U2AF2: variants seen among roughly 807,000 people sequenced by gnomAD.
U2AF2 encodes the protein U2 small nuclear RNA auxiliary factor 2.
U2AF2 carries 6 observed loss-of-function variants against 52.6 expected under a neutral mutation model. The observed-to-expected ratio is 0.11, with a 90% CI of 0.06 to 0.23. The LOEUF (loss-of-function observed/expected upper bound fraction) is 0.23, where lower values mean the gene tolerates loss of function less well. Ranked by LOEUF, U2AF2 falls within the 10% of genes least tolerant of loss-of-function variation. U2AF2 has a pLI of 1.00. For synonymous variants in U2AF2, 284 were observed against 258.2 expected (o/e 1.10, Z -0.96); for missense variants, 222 against 677.1 (o/e 0.33, Z 7.46).
chr19:55,663,487 CTGGCA>C (rs1389037776), intron 6 of U2AF2, 114 bp from the exon 7 acceptor site: 2 of 1,461,286 alleles, frequency 1.4e-6, no homozygotes, highest in Non-Finnish European at 1.8e-6. Context: ...AGCCTGGGGC[CTGGCA>C]TGTTGTATTT....
At chr19:55,662,693 G>A (rs1426914042) in intron 6 of U2AF2, 75 bp downstream of exon 6, 8 of 1,354,642 alleles carry the variant, frequency 5.9e-6, no homozygotes, top group Admixed American at 5.3e-5. Flanking sequence ...GATGTTGTGT[G>A]GAGCTGCCTT....
intron 2 of U2AF2, 128 bp downstream of exon 2, chr19:55,659,473 G>T (rs1984019929): frequency 8.3e-7 from 1 of 1,199,282 alleles, no homozygotes; most frequent in East Asian, 3.2e-5. Flanking sequence ...TTCTTTGTGT[G>T]GATCTGGGGG....
intron 1 of U2AF2, among the ~76,000 whole-genome samples, chr19:55,656,119 G>A (rs1312640966): frequency 6.6e-6 from 1 of 152,212 alleles, no homozygotes; most frequent in African/African-American, 2.4e-5. Flanking sequence ...CTGGGGCCCT[G>A]ATCTTAGGGA....
chr19:55,660,509 C>CG lies in U2AF2; in HGVS notation c.231-7_231-6insG. The CG allele has an allele frequency of 7.8e-7, 1 of 1,277,674 alleles. No individual in the cohort carries two copies. Among genetic ancestry groups the CG allele is most frequent in the Non-Finnish European group, 1.1e-6 (1 of 888,980 alleles). 79.1% of individuals were successfully genotyped at this position (1,277,674 alleles called of 1,614,324 possible). ...CCTGCCCCGCTCTCCCCTCCCACCT[C>CG]CCCCAGTCGTTCCCCCCGCCACGAG... On this transcript the variant is annotated splice_polypyrimidine_tract_variant and splice_region_variant and intron_variant, in intron 3 of 11. Coordinates refer to ENST00000308924, the MANE Select transcript of U2AF2 (RefSeq NM_007279.3).
Position 55,668,284 on chromosome 19 carries a change from T to G in U2AF2, c.743-223T>G, listed in dbSNP as rs979247124. On this transcript the variant is annotated intron_variant, in intron 7 of 11. Transcript: ENST00000308924. The surrounding 1 kb of genome is among the most constrained non-coding windows in gnomAD (Gnocchi z 5.5). ...AGGTTCCCCTGAGGCTGGGCAGATT[T>G]GGGAGACATGGTGCGTTCTCCCCGA... Among the ~76,000 whole-genome samples, 1 of 152,108 alleles carries G rather than the reference T, an allele frequency of 6.6e-6. No individual in the cohort carries two copies. Among genetic ancestry groups the G allele is most frequent in the African/African-American group, 2.4e-5 (1 of 41,392 alleles).
intron 7 of U2AF2, among the ~76,000 whole-genome samples, chr19:55,666,598 G>C (rs1325738668): frequency 6.6e-6 from 1 of 152,226 alleles, no homozygotes; most frequent in Non-Finnish European, 1.5e-5. Context: ...ATCAGCACTT[G>C]GCCTGAGCTG....
At chr19:55,659,649 C>CT (rs1051187488) in intron 2 of U2AF2, among the ~76,000 whole-genome samples, 3 of 151,722 alleles carry the variant, frequency 2.0e-5, no homozygotes, top group African/African-American at 7.3e-5. Context: ...GGGTTGTTCT[C>CT]TGTCTCTGAC....
Position 55,660,211 on chromosome 19 carries a change from G to A in U2AF2, c.220G>A (p.Gly74Ser), listed in dbSNP as rs148965195. 37 of 1,524,208 alleles carry A rather than the reference G, an allele frequency of 2.4e-5. 1 individual carries two copies. The highest frequency in any genetic ancestry group is 5.6e-5 in the South Asian group (5 of 89,684). The allele number at this position is 1,524,208 out of a possible 1,614,324, so 94.4% of individuals were successfully genotyped here. A position where few individuals can be genotyped will look rare whatever the true frequency, so the allele number is the denominator to read the frequency against. Residue 74 changes from glycine to serine, a missense_variant, in exon 3 of 12, where the codon GGT becomes AGT. This residue lies in a region of U2AF2 where 100 missense variants were observed against 144.1 expected (regional missense o/e 0.69). Transcript: ENST00000308924. ...PLTRGAKEEH[G>S]GLIRSPRHEK... ...GACCAGAGGCGCTAAAGAGGAGCAC[G>A]GTGGACTGATGTGAGCTTCTCTTCC...
At chr19:55,659,028 C>G (rs765835988) in intron 1 of U2AF2, 182 bp from the exon 2 acceptor site, 1 of 979,820 alleles carries the variant, frequency 1.0e-6, no homozygotes, top group Non-Finnish European at 1.4e-6. Flanking sequence ...CCCCTGGTCC[C>G]CTCATGGTCC....
chr19:55,674,150 G>A lies in U2AF2; in HGVS notation c.*82G>A, dbSNP rs918152670. ...CCCCCCCTTATCCCCCTCTGAAGAC[G>A]ATGGGCAGAGGAGTGACAGCCGCAG... On this transcript the variant is annotated 3_prime_UTR_variant, in exon 12 of 12. Transcript: ENST00000308924. The A allele has an allele frequency of 5.1e-6, 7 of 1,380,440 alleles. No individual in the cohort carries two copies. The highest frequency in any genetic ancestry group is 2.7e-4 in the Middle Eastern group (1 of 3,662). 85.5% of individuals were successfully genotyped at this position (1,380,440 alleles called of 1,614,324 possible).
intron 6 of U2AF2, among the ~76,000 whole-genome samples, chr19:55,663,192 C>G (rs1319362508): frequency 1.3e-5 from 2 of 152,166 alleles, no homozygotes; most frequent in African/African-American, 4.8e-5. Context: ...CTCACTCTGT[C>G]CCTCTCACTC....
intron 7 of U2AF2, among the ~76,000 whole-genome samples, chr19:55,664,215 T>C (rs1051811816): frequency 6.6e-6 from 1 of 152,240 alleles, no homozygotes; most frequent in African/African-American, 2.4e-5. Flanking sequence ...TCCCCATAGC[T>C]GTGTTGAACA....
chr19:55,662,474 C>T (rs1984279175), intron 5 of U2AF2, 28 bp from the exon 6 acceptor site: 3 of 1,319,512 alleles, frequency 2.3e-6, no homozygotes, highest in South Asian at 2.6e-5. Context: ...TCCCCCGCCC[C>T]CCCCCTTGTC....
chr19:55,664,734 T>C (rs1243132643), intron 7 of U2AF2, among the ~76,000 whole-genome samples: 1 of 152,122 alleles, frequency 6.6e-6, no homozygotes, highest in Non-Finnish European at 1.5e-5. Flanking sequence ...GTTGTTGTTG[T>C]TTTGAGACAG....
At chr19:55,662,029 C>G (rs1233251051) in intron 5 of U2AF2, 1 of 163,442 alleles carries the variant, frequency 6.1e-6, no homozygotes, top group African/African-American at 2.4e-5. Context: ...CCTGCTCTCC[C>G]TTTCTGTCCT....
chr19:55,667,798 T>TTC (rs1984638321), intron 7 of U2AF2, among the ~76,000 whole-genome samples: 1 of 151,464 alleles, frequency 6.6e-6, no homozygotes, highest in African/African-American at 2.4e-5. Context: ...TTTTTTTTTT[T>TTC]CCTTTGAGAT....
chr19:55,661,576 G>A (rs929230753), intron 5 of U2AF2, among the ~76,000 whole-genome samples: 2 of 147,240 alleles, frequency 1.4e-5, no homozygotes, highest in Non-Finnish European at 3.0e-5. Flanking sequence ...TTTCTGACAC[G>A]CCTCTCGTTC....
Position 55,668,299 on chromosome 19 carries a change from G to A in U2AF2, c.743-208G>A, listed in dbSNP as rs1203488209. ...TGGGCAGATTTGGGAGACATGGTGC[G>A]TTCTCCCCGAGGAGCCTCTGTGTGC... On this transcript the variant is annotated intron_variant, in intron 7 of 11. Transcript: ENST00000308924. This position sits in a 1 kb window ranked among gnomAD's most constrained non-coding sequence, Gnocchi z 5.5. Among the ~76,000 whole-genome samples, 3 of 152,036 alleles carry A rather than the reference G, an allele frequency of 2.0e-5. No individual in the cohort carries two copies. The highest frequency in any genetic ancestry group is 2.9e-5 in the Non-Finnish European group (2 of 67,998).
intron 10 of U2AF2, 118 bp from the exon 11 acceptor site, chr19:55,669,326 G>T: frequency 6.5e-7 from 1 of 1,543,970 alleles, no homozygotes; most frequent in South Asian, 1.2e-5. Context: ...CGGGCTTTAG[G>T]TGTTGGAAGT....
Sources: allele counts gnomAD v4.1 joint callset (sites outside exome capture counted in the v4.1 genomes callset), GRCh38; gene constraint gnomAD v4.1.1; regional missense constraint gnomAD v4.1.1; non-coding constraint Gnocchi (gnomAD v3.1); transcripts MANE v1.5; gene names NCBI Gene and HGNC (gene_info 2026-07-23, HGNC 2026-07-21).